The following NCOR1 variants were observed in gnomAD, a reference collection of about 807,000 sequenced individuals.
NCOR1 encodes nuclear receptor corepressor 1.
NCOR1 carries 63 observed loss-of-function variants against 288.1 expected under a neutral mutation model. The ratio of observed to expected loss-of-function variants is 0.22; its 90% CI spans 0.18 to 0.27. The LOEUF is 0.27. Among genes scored for constraint, NCOR1 ranks in the 10% least tolerant of loss-of-function variants. NCOR1 has a pLI of 1.00. For synonymous variants in NCOR1, 1,007 were observed against 1,065.9 expected (o/e 0.94, Z 1.08); for missense variants, 2,397 against 3,019.2 (o/e 0.79, Z 4.83).
Position 16,064,053 on chromosome 17 carries a change from G to A in NCOR1, c.5221+15C>T, listed in dbSNP as rs2152654012. ...GATGTGTCCAGAGAATGGAAGAGCA[G>A]TGCCTTTCACTGACCTGGCCGCAGG... On this transcript the variant is annotated intron_variant, in intron 35 of 45. Coordinates refer to ENST00000268712, the MANE Select transcript of NCOR1 (RefSeq NM_006311.4). 1 of 1,613,628 alleles carries A rather than the reference G, an allele frequency of 6.2e-7. No individual in the cohort carries two copies. Among genetic ancestry groups the A allele is most frequent in the Non-Finnish European group, 8.5e-7 (1 of 1,179,696 alleles).
chr17:16,064,971 G>T lies in NCOR1; in HGVS notation c.5000C>A (p.Pro1667Gln), dbSNP rs2060959431. 2 of 1,613,904 alleles carry T rather than the reference G, an allele frequency of 1.2e-6. No individual in the cohort carries two copies. Among genetic ancestry groups the T allele is most frequent in the Non-Finnish European group, 1.7e-6 (2 of 1,179,858 alleles). ...NMPPTILVPH[P>Q]GGTSTPPMDR... Reference sequence around the variant, plus strand: ...CATGGGAGGAGTGCTTGTTCCCCCTGGATGAGGCACTAAAATTGTTGGAGG... The same window carrying T: ...CATGGGAGGAGTGCTTGTTCCCCCTTGATGAGGCACTAAAATTGTTGGAGG... The change falls in exon 34 of 46, where the codon CCA becomes CAA. Residue 1667 changes from proline (P) to glutamine (Q), a missense_variant. By Grantham distance (76) the Pro-to-Gln change is moderately conservative. Around this residue, in one of 11 missense-constraint regions of NCOR1, gnomAD observed 1,872 missense variants for 2,187.8 expected, o/e 0.86. Coordinates refer to ENST00000268712, the MANE Select transcript of NCOR1 (RefSeq NM_006311.4).
In NCOR1 at chr17:16,187,540, T is replaced by TA. The variant is rs35461013; in HGVS notation, c.109-854dup. On this transcript the variant is annotated intron_variant, in intron 2 of 45. Transcript: ENST00000268712. The stretch of plus-strand genomic sequence containing the variant: ...AACATAGAAAACATTATACTAAGTT[T>TA]AAAAAAAAAAAAAAAGGTCAGGCAC... 1.9e-3 allele frequency among the ~76,000 whole-genome samples: 270 copies of TA among 140,008 alleles called. 2 individuals carry two copies. Among genetic ancestry groups the TA allele is most frequent in the African/African-American group, 5.7e-3 (214 of 37,602 alleles). The allele number at this position is 140,008 out of a possible 152,430, so 91.9% of individuals were successfully genotyped here. A position where few individuals can be genotyped will look rare whatever the true frequency, so the allele number is the denominator to read the frequency against.
chr17:16,075,081 G>A (rs1407022147), intron 27 of NCOR1, among the ~76,000 whole-genome samples: 1 of 152,140 alleles, frequency 6.6e-6, no homozygotes, highest in Non-Finnish European at 1.5e-5. Context: ...TGTTAGCCAG[G>A]ATGGTCTCGA....
At chr17:16,053,027 A>G (rs532059162) in intron 40 of NCOR1, among the ~76,000 whole-genome samples, 10 of 152,358 alleles carry the variant, frequency 6.6e-5, no homozygotes, top group African/African-American at 2.4e-4. Flanking sequence ...TAAACTAGAT[A>G]TTGAAGGAAC....
intron 15 of NCOR1, among the ~76,000 whole-genome samples, chr17:16,124,760 A>T (rs1346574505): frequency 6.6e-6 from 1 of 152,114 alleles, no homozygotes; most frequent in African/African-American, 2.4e-5. Context: ...CAAACCCAAA[A>T]CTCCATTTTA....
intron 10 of NCOR1, among the ~76,000 whole-genome samples, chr17:16,145,784 G>C (rs769418680): frequency 5.3e-5 from 8 of 152,170 alleles, no homozygotes; most frequent in Non-Finnish European, 7.4e-5. Context: ...CCGCTGCCCC[G>C]TCTGGGAGGT....
At chr17:16,165,596 T>C (rs2081876980) in intron 4 of NCOR1, among the ~76,000 whole-genome samples, 1 of 152,202 alleles carries the variant, frequency 6.6e-6, no homozygotes, top group South Asian at 2.1e-4. Flanking sequence ...AACTATAACA[T>C]GGCCAAGTGT....
At chr17:16,105,229 C>A (rs1373268989) in intron 19 of NCOR1, among the ~76,000 whole-genome samples, 5 of 152,076 alleles carry the variant, frequency 3.3e-5, no homozygotes, top group African/African-American at 1.2e-4. Flanking sequence ...GAAGAAAAAA[C>A]AGAATGGACC....
In NCOR1 at chr17:16,057,571, T is replaced by C. The variant is rs2060080390; in HGVS notation, c.6335A>G (p.His2112Arg). 2 of 1,614,090 alleles carry C rather than the reference T, an allele frequency of 1.2e-6. No homozygotes were observed. Among genetic ancestry groups the C allele is most frequent in the South Asian group, 1.1e-5 (1 of 91,088 alleles). Residue 2112 changes from histidine to arginine, a missense_variant, in exon 40 of 46, where the codon CAT becomes CGT. Physicochemically the swap from His to Arg is conservative, Grantham distance 29. Coordinates refer to ENST00000268712, the MANE Select transcript of NCOR1 (RefSeq NM_006311.4). Reference protein sequence around the residue: ...SPESQAQSVHHQRPGSRVSPE... With the variant: ...SPESQAQSVHRQRPGSRVSPE... ...AGAGACCCTTGAACCTGGTCTTTGA[T>C]GATGGACAGACTGAGCCTGGGATTC...
chr17:16,061,777 A>G lies in NCOR1; in HGVS notation c.5505T>C (p.Asp1835=), dbSNP rs1233111034. The change falls in exon 37 of 46, where the codon GAT becomes GAC. Residue 1835 remains aspartate (D), a synonymous_variant. Coordinates refer to ENST00000268712, the MANE Select transcript of NCOR1 (RefSeq NM_006311.4). Reference sequence around the variant, plus strand: ...GCTTACTCTCTTTTGTTTTGGACACATCCATCTGGGGTGCAGAAGCTGCAG... The same window carrying G: ...GCTTACTCTCTTTTGTTTTGGACACGTCCATCTGGGGTGCAGAAGCTGCAG... ...VDAAASAPQM[D]VSKTKESKHE... 3.1e-6 allele frequency: 5 copies of G among 1,614,184 alleles called. No homozygotes were observed. Among genetic ancestry groups the G allele is most frequent in the Middle Eastern group, 1.6e-4 (1 of 6,062 alleles).
chr17:16,058,429 G>A (rs893465431), intron 38 of NCOR1, 42 bp downstream of exon 38: 14 of 1,601,274 alleles, frequency 8.7e-6, no homozygotes, highest in Non-Finnish European at 1.2e-5. Flanking sequence ...AATGATAAAT[G>A]CAAATATGAA....
At chr17:16,058,309 AAAAT>A (rs2060161028) in intron 38 of NCOR1, 158 bp downstream of exon 38, 16 of 1,016,314 alleles carry the variant, frequency 1.6e-5, no homozygotes, top group African/African-American at 3.3e-5. Context: ...GTATCATTAA[AAAAT>A]AAAAAAGAAT....
intron 44 of NCOR1, among the ~76,000 whole-genome samples, chr17:16,036,892 T>G (rs568284234): frequency 6.6e-6 from 1 of 152,354 alleles, no homozygotes; most frequent in South Asian, 2.1e-4. Context: ...TCAATTTCCT[T>G]CAAAAACTTT....
At chr17:16,088,240 T>C (rs1020698738) in intron 22 of NCOR1, among the ~76,000 whole-genome samples, 1 of 152,166 alleles carries the variant, frequency 6.6e-6, no homozygotes, top group Admixed American at 6.5e-5. Context: ...AATTTATGAA[T>C]AAACAGGTGA....
rs111343734 is a variant in NCOR1, at chr17:16,119,011, G to A, written c.1915+412C>T. ...TTTATAATTACATGACTTACCAAAT[G>A]CAAACTGACAAAAGTATTTACCATC... is the stretch of plus-strand genomic sequence containing the variant. On this transcript the variant is annotated intron_variant, in intron 17 of 45. Transcript: ENST00000268712. Among the ~76,000 whole-genome samples, 996 of 152,214 alleles carry A rather than the reference G, an allele frequency of 6.5e-3. 14 individuals are homozygous for A. The highest frequency in any genetic ancestry group is 0.023 in the African/African-American group (961 of 41,526).
chr17:16,055,389 C>G (rs754407713), intron 40 of NCOR1, among the ~76,000 whole-genome samples: 23 of 152,176 alleles, frequency 1.5e-4, no homozygotes, highest in Non-Finnish European at 2.5e-4. Context: ...ATGGATGGAG[C>G]TGGAGGCCAT....
Position 16,072,205 on chromosome 17 carries a change from T to G in NCOR1, c.3835A>C (p.Arg1279=). The G allele has an allele frequency of 1.2e-6, 2 of 1,612,114 alleles. No individual in the cohort carries two copies. Among genetic ancestry groups the G allele is most frequent in the Non-Finnish European group, 1.7e-6 (2 of 1,178,970 alleles). The change falls in exon 29 of 46, where the codon AGG becomes CGG. Residue 1279 remains arginine, a synonymous_variant. Coordinates refer to ENST00000268712, the MANE Select transcript of NCOR1 (RefSeq NM_006311.4). ...LEGLICRALP[R]GSPHSDLKER... is the part of the protein sequence containing the mutation. The stretch of plus-strand genomic sequence containing the variant: ...TTGAGGTCAGAATGAGGACTCCCCC[T>G]GGGTAATGCTCGGCATATCAGCCCT...
intron 1 of NCOR1, among the ~76,000 whole-genome samples, chr17:16,212,309 G>C (rs2092209996): frequency 6.6e-6 from 1 of 151,980 alleles, no homozygotes; most frequent in African/African-American, 2.4e-5. Flanking sequence ...TATAGACTGA[G>C]TTATTTGTGA....
Position 16,121,265 on chromosome 17 carries a change from T to C in NCOR1, c.1639A>G (p.Asn547Asp). The C allele has an allele frequency of 6.2e-7, 1 of 1,612,572 alleles. No individual in the cohort carries two copies. The highest frequency in any genetic ancestry group is 2.2e-5 in the East Asian group (1 of 44,860). The stretch of plus-strand genomic sequence containing the variant: ...TCTATCTTGTCCTTTTCCTTGGTAT[T>C]TTCTCTGGACACAAAAGCAAATGAA... ...EKDEKEDSKE[N>D]TKEKDKIDGT... The change falls in exon 16 of 46, where the codon AAT (asparagine) becomes GAT (aspartate). Residue 547 changes from asparagine (N) to aspartate (D), a missense_variant. Asn to Asp is a conservative substitution (Grantham distance 23). Around this residue, in one of 11 missense-constraint regions of NCOR1, gnomAD observed 113 missense variants for 139.5 expected, o/e 0.81. Transcript: ENST00000268712.
Sources: allele counts gnomAD v4.1 joint callset (sites outside exome capture counted in the v4.1 genomes callset), GRCh38; gene constraint gnomAD v4.1.1; regional missense constraint gnomAD v4.1.1; transcripts MANE v1.5; gene names NCBI Gene and HGNC (gene_info 2026-07-23, HGNC 2026-07-21).